The following TFR2 variants were observed in gnomAD, a reference collection of about 807,000 sequenced individuals.
The protein encoded by TFR2 is transferrin receptor protein 2.
In TFR2, 64 loss-of-function variants were observed where a neutral mutation model predicts 91.9. That is an observed-to-expected ratio of 0.70 (90% CI 0.57 to 0.86). TFR2 has a LOEUF of 0.86. TFR2 is among the 40% of genes least tolerant of loss of function. TFR2 has a pLI of 0.00. For synonymous variants in TFR2, 454 were observed against 459.6 expected (o/e 0.99, Z 0.15); for missense variants, 950 against 1,080.5 (o/e 0.88, Z 1.69).
intron 3 of TFR2, 128 bp from the exon 4 acceptor site, chr7:100,633,684 G>C (rs1803516504): frequency 2.0e-6 from 2 of 1,003,494 alleles, no homozygotes; most frequent in African/African-American, 1.8e-5. Context: ...GGAAAAGAGC[G>C]CTCCCCGCGG....
At chr7:100,623,788 G>A (rs905366065) in intron 17 of TFR2, among the ~76,000 whole-genome samples, 26 of 148,580 alleles carry the variant, frequency 1.7e-4, no homozygotes, top group African/African-American at 5.5e-4. Context: ...AGTAGCTCAC[G>A]CCTGTAATCC....
At chr7:100,626,561 T>C in intron 17 of TFR2, 1 of 1,408,114 alleles carries the variant, frequency 7.1e-7, no homozygotes, top group Non-Finnish European at 9.2e-7. Context: ...CCCTGTCCAT[T>C]TCATCACTTT....
At chr7:100,621,433 G>T (rs1451290238) in intron 17 of TFR2, among the ~76,000 whole-genome samples, 3 of 151,980 alleles carry the variant, frequency 2.0e-5, no homozygotes, top group Non-Finnish European at 2.9e-5. Context: ...TTTGTATTTT[G>T]AGTAGAGACG....
rs1333878515 is a variant in TFR2, at chr7:100,628,061, G to C, written c.1537+12C>G. 6.2e-7 allele frequency: 1 copy of C among 1,614,072 alleles called. No homozygotes were observed. Among genetic ancestry groups the C allele is most frequent in the Admixed American group, 1.7e-5 (1 of 60,018 alleles). On this transcript the variant is annotated intron_variant, in intron 12 of 17. Coordinates refer to ENST00000223051, the MANE Select transcript of TFR2 (RefSeq NM_003227.4). The stretch of plus-strand genomic sequence containing the variant: ...CCCCAGGGGGCCAGGTGGTGGCACT[G>C]CCCCAGCTCACCCAGCACTGCGTTG...
In TFR2 at chr7:100,627,678, T is replaced by G. The variant is rs766102069; in HGVS notation, c.1683-17A>C. 13 of 1,613,792 alleles carry G rather than the reference T, an allele frequency of 8.1e-6. No homozygotes were observed. The highest frequency in any genetic ancestry group is 1.3e-5 in the African/African-American group (1 of 74,834). ...GGCCGGATCCTGGGGGCAGGTGGGT[T>G]GGAGCGATCTGTGGGTTCAGGCTCC... On this transcript the variant is annotated splice_polypyrimidine_tract_variant and intron_variant, in intron 14 of 17. Transcript: ENST00000223051.
intron 17 of TFR2, among the ~76,000 whole-genome samples, chr7:100,624,719 T>A (rs942085788): frequency 4.6e-5 from 7 of 151,946 alleles, no homozygotes; most frequent in Non-Finnish European, 8.8e-5. Flanking sequence ...TTTTAAAAAT[T>A]AGCGGAGTGT....
At chr7:100,641,359 G>T in intron 1 of TFR2, 118 bp downstream of exon 1, 1 of 1,440,940 alleles carries the variant, frequency 6.9e-7, no homozygotes, top group Non-Finnish European at 9.5e-7. Flanking sequence ...GAGGGGCAGG[G>T]GTGGGAAGAA....
chr7:100,630,745 C>T, intron 9 of TFR2, 144 bp downstream of exon 9: 1 of 1,174,678 alleles, frequency 8.5e-7, no homozygotes, highest in Non-Finnish European at 1.2e-6. Context: ...AGTTCAGCCT[C>T]AACTTGCCAG....
intron 10 of TFR2, 62 bp from the exon 11 acceptor site, chr7:100,628,368 C>T: frequency 6.6e-7 from 1 of 1,515,540 alleles, no homozygotes; most frequent in Non-Finnish European, 9.1e-7. Context: ...CTCCCCTTGT[C>T]TTCTTCTGTC....
intron 9 of TFR2, among the ~76,000 whole-genome samples, chr7:100,629,664 C>A (rs543744773): frequency 2.0e-5 from 3 of 152,170 alleles, no homozygotes; most frequent in Admixed American, 6.6e-5. Flanking sequence ...CTCAAGCCAT[C>A]CTCCTGCCTG....
chr7:100,627,420 G>T lies in TFR2; in HGVS notation c.1839C>A (p.Gly613=). ...TYENLHKVLQ[G]RLPAVAQAVA... ...CGGCCTGGGCCACGGCGGGCAGGCGGCCTTGCAGCACCTTATGCAGGTTCT... is the reference window on the plus strand; with the variant it reads ...CGGCCTGGGCCACGGCGGGCAGGCGTCCTTGCAGCACCTTATGCAGGTTCT... Residue 613 remains glycine, a synonymous_variant, in exon 16 of 18, where the codon GGC becomes GGA. Transcript: ENST00000223051. 1 of 1,577,748 alleles carries T rather than the reference G, an allele frequency of 6.3e-7. No individual in the cohort carries two copies. Among genetic ancestry groups the T allele is most frequent in the South Asian group, 1.2e-5 (1 of 86,698 alleles).
intron 16 of TFR2, 122 bp downstream of exon 16, chr7:100,627,142 A>C: frequency 7.8e-7 from 1 of 1,278,734 alleles, no homozygotes; most frequent in Non-Finnish European, 1.1e-6. Flanking sequence ...GCAGGGGGTT[A>C]ATGGGCTGGA....
chr7:100,632,552 T>TC (rs545195201), intron 6 of TFR2, among the ~76,000 whole-genome samples: 28 of 131,792 alleles, frequency 2.1e-4, no homozygotes, highest in South Asian at 1.7e-3. Context: ...TTTCTCTCTC[T>TC]TTTTTTTTTT....
At chr7:100,629,403 G>A in intron 9 of TFR2, 31 bp from the exon 10 acceptor site, 2 of 1,612,790 alleles carry the variant, frequency 1.2e-6, no homozygotes, top group Non-Finnish European at 1.7e-6. Context: ...ACCCACTTCT[G>A]ACACTGCACC....
At position 100,634,177 on chromosome 7, in the gene TFR2, A is replaced by AACACACACACACACACAC. The variant is rs3076877; in HGVS notation, c.474-639_474-622dup. ...CCCCAACCTCGTTCCTCCCGACGTC[A>AACACACACACACACACAC]ACACACACACACACACACACACACA... On this transcript the variant is annotated intron_variant, in intron 3 of 17. Transcript: ENST00000223051. Among the ~76,000 whole-genome samples, 407 of 132,776 alleles carry AACACACACACACACACAC rather than the reference A, an allele frequency of 3.1e-3. 7 individuals carry two copies. The highest frequency in any genetic ancestry group is 0.03 in the East Asian group (113 of 3,806). 87.1% of individuals were successfully genotyped at this position (132,776 alleles called of 152,430 possible). A position where few individuals can be genotyped will look rare whatever the true frequency, so the allele number is the denominator to read the frequency against.
chr7:100,639,130 AG>A (rs989239699), intron 3 of TFR2, among the ~76,000 whole-genome samples: 1 of 152,176 alleles, frequency 6.6e-6, no homozygotes, highest in Non-Finnish European at 1.5e-5. Flanking sequence ...GGGAAGCCGA[AG>A]CGCTTTGGCA....
In TFR2 at chr7:100,621,046, G is replaced by A; in HGVS notation, c.2217C>T (p.His739=). 6.3e-7 allele frequency: 1 copy of A among 1,582,432 alleles called. No homozygotes were observed. The change falls in exon 18 of 18, where the codon CAC becomes CAT. Residue 739 remains histidine (H), a synonymous_variant. Transcript: ENST00000223051. Reference sequence around the variant, plus strand: ...GGTGGTCCAGCAGGGCGCCCAGCGTGTGGTCTCCACGGCCCATGAAGATGT... The same window carrying A: ...GGTGGTCCAGCAGGGCGCCCAGCGTATGGTCTCCACGGCCCATGAAGATGT... ...FRHIFMGRGD[H]TLGALLDHLR...
At chr7:100,628,870 G>T (rs965206026) in intron 10 of TFR2, among the ~76,000 whole-genome samples, 2 of 150,902 alleles carry the variant, frequency 1.3e-5, no homozygotes, top group Admixed American at 1.3e-4. Context: ...AGGTTCAAGC[G>T]ATTCTCCTGC....
At position 100,633,478 on chromosome 7, in the gene TFR2, G is replaced by A. The variant is rs1391229425; in HGVS notation, c.552C>T (p.Ser184=). The A allele has an allele frequency of 6.2e-7, 1 of 1,612,448 alleles. No individual in the cohort carries two copies. ...ALTQDIRAAL[S]RQKLDHVWTD... ...TCCACACGTGGTCCAGCTTCTGGCG[G>A]GAGAGCGCCGCGCGAATGTCCTGAG... The change falls in exon 4 of 18, where the codon TCC becomes TCT. Residue 184 remains serine (S), a synonymous_variant. Coordinates refer to ENST00000223051, the MANE Select transcript of TFR2 (RefSeq NM_003227.4).
Sources: allele counts gnomAD v4.1 joint callset (sites outside exome capture counted in the v4.1 genomes callset), GRCh38; gene constraint gnomAD v4.1.1; transcripts MANE v1.5; gene names NCBI Gene and HGNC (gene_info 2026-07-23, HGNC 2026-07-21).